Variants in CHST11 observed in about 807,000 individuals in gnomAD.
CHST11 encodes the protein C4S-1.
Under a neutral mutation model 30.4 loss-of-function variants are expected in CHST11, and 9 were observed. The ratio of observed to expected loss-of-function variants is 0.30; its 90% CI spans 0.18 to 0.52. The LOEUF (loss-of-function observed/expected upper bound fraction) is 0.52. Ranked by LOEUF, CHST11 falls within the 20% of genes least tolerant of loss-of-function variation. The pLI is 0.97. For missense variants in CHST11, 348 were observed against 460.6 expected (o/e 0.76, Z 2.24); for synonymous variants, 152 against 187.8 (o/e 0.81, Z 1.56).
chr12:104,495,238 G>A (rs756787564), intron 1 of CHST11, among the ~76,000 whole-genome samples: 2 of 152,200 alleles, frequency 1.3e-5, no homozygotes, highest in African/African-American at 2.4e-5. Flanking sequence ...CATCTGGGTT[G>A]TTCCTGTGTC....
At chr12:104,538,840 G>A (rs2038262328) in intron 1 of CHST11, among the ~76,000 whole-genome samples, 1 of 152,106 alleles carries the variant, frequency 6.6e-6, no homozygotes, top group South Asian at 2.1e-4. Flanking sequence ...GAGTAATTGA[G>A]GCCTAGAAGT....
At chr12:104,670,604 C>G (rs1163592732) in intron 2 of CHST11, among the ~76,000 whole-genome samples, 1 of 150,328 alleles carries the variant, frequency 6.7e-6, no homozygotes, top group Non-Finnish European at 1.5e-5. Context: ...CACTCCCACA[C>G]AAACACATCC....
intron 2 of CHST11, among the ~76,000 whole-genome samples, chr12:104,692,874 C>G (rs1195701175): frequency 2.3e-5 from 3 of 132,732 alleles, no homozygotes; most frequent in Non-Finnish European, 3.2e-5. Context: ...CCACCCCCAT[C>G]CATTAAAAAA....
rs201640443 is a variant in CHST11, at chr12:104,544,721, AAG to A, written c.119-57183_119-57182del. Among the ~76,000 whole-genome samples the A allele has an allele frequency of 5.8e-5, 7 of 121,292 alleles. 1 individual carries two copies. Among genetic ancestry groups the A allele is most frequent in the Admixed American group, 8.9e-5 (1 of 11,236 alleles). 79.6% of individuals were successfully genotyped at this position (121,292 alleles called of 152,430 possible). A position where few individuals can be genotyped will look rare whatever the true frequency, so the allele number is the denominator to read the frequency against. On this transcript the variant is annotated intron_variant, in intron 1 of 2. Transcript: ENST00000303694. ...GACTTGGTCTAAAAAAAAAAAAAAA[AAG>A]AAATCAGAAATTTGAGCAGTCAATG...
At chr12:104,561,115 T>G (rs6419389) in intron 1 of CHST11, among the ~76,000 whole-genome samples, 56,278 of 151,754 alleles carry the variant, frequency 0.37, 11,192 homozygotes, top group East Asian at 0.79. Context: ...TATTTGTGAG[T>G]GTCAGATGAA....
At chr12:104,655,996 G>A (rs750877134) in intron 2 of CHST11, among the ~76,000 whole-genome samples, 2 of 152,190 alleles carry the variant, frequency 1.3e-5, no homozygotes, top group Non-Finnish European at 2.9e-5. Context: ...AGTGCCATCC[G>A]TCATGTCTAG....
Position 104,729,600 on chromosome 12 carries a change from A to C in CHST11, c.205-27349A>C, listed in dbSNP as rs373041318. Among the ~76,000 whole-genome samples the C allele has an allele frequency of 1.3e-5, 2 of 152,176 alleles. No homozygotes were observed. The highest frequency in any genetic ancestry group is 4.8e-5 in the African/African-American group (2 of 41,444). ...GCAGGAACATGGAAGGATGGCTGTC[A>C]TAGGTGCCATGAGTGACAGAAGCAG... On this transcript the variant is annotated intron_variant, in intron 2 of 2. Transcript: ENST00000303694. This position sits in a 1 kb window ranked among gnomAD's most constrained non-coding sequence, Gnocchi z 4.0.
intron 1 of CHST11, among the ~76,000 whole-genome samples, chr12:104,556,372 G>A (rs1340529728): frequency 6.6e-6 from 1 of 152,116 alleles, no homozygotes; most frequent in African/African-American, 2.4e-5. Flanking sequence ...GTTTGGCAGG[G>A]TGGGTATATT....
chr12:104,508,285 G>A (rs897083415), intron 1 of CHST11, among the ~76,000 whole-genome samples: 2 of 152,182 alleles, frequency 1.3e-5, no homozygotes, highest in African/African-American at 4.8e-5. Flanking sequence ...TTTATTTAAA[G>A]CTTCATGACC....
intron 2 of CHST11, among the ~76,000 whole-genome samples, chr12:104,744,407 G>GA (rs1199368538): frequency 6.6e-6 from 1 of 152,058 alleles, no homozygotes; most frequent in Non-Finnish European, 1.5e-5. Flanking sequence ...GTCTTCTTTT[G>GA]AAAACTGTCT....
In CHST11 at chr12:104,543,576, C is replaced by G. The variant is rs368563831; in HGVS notation, c.119-58330C>G. ...CCTTCCCATCCTTCTCGTCCCTGGA[C>G]TCGGCTCAGAGTCTTACAGGAGTCC... is the stretch of plus-strand genomic sequence containing the variant. On this transcript the variant is annotated intron_variant, in intron 1 of 2. Transcript: ENST00000303694. 4.8e-4 allele frequency among the ~76,000 whole-genome samples: 73 copies of G among 152,280 alleles called. No individual in the cohort carries two copies. The South Asian group carries it at 9.3e-3, about 19-fold the overall frequency.
In CHST11 at chr12:104,674,022, A is replaced by C. The variant is rs559526523; in HGVS notation, c.204+72031A>C. ...TCCCGGCCTCTGTTGAATGGCCTGC[A>C]CTTAGTTTTAGTCGATTTCCTCCCC... On this transcript the variant is annotated intron_variant, in intron 2 of 2. Transcript: ENST00000303694. Among the ~76,000 whole-genome samples the C allele has an allele frequency of 7.1e-4, 108 of 152,264 alleles. 1 individual carries two copies. The highest frequency in any genetic ancestry group is 5.4e-3 in the Admixed American group (83 of 15,288).
chr12:104,587,139 T>G (rs1291842930), intron 1 of CHST11, among the ~76,000 whole-genome samples: 2 of 152,348 alleles, frequency 1.3e-5, no homozygotes, highest in Non-Finnish European at 2.9e-5. Flanking sequence ...TTCATGTCAC[T>G]GTGATGACAG....
chr12:104,704,092 G>A (rs371613931), intron 2 of CHST11, among the ~76,000 whole-genome samples: 13 of 152,320 alleles, frequency 8.5e-5, no homozygotes, highest in African/African-American at 3.1e-4. Flanking sequence ...TCGAACGGAA[G>A]GTGTAGAGAC....
intron 1 of CHST11, among the ~76,000 whole-genome samples, chr12:104,560,067 A>G (rs897745677): frequency 2.0e-5 from 3 of 152,056 alleles, no homozygotes; most frequent in African/African-American, 7.2e-5. Context: ...TGGCAGAGGG[A>G]ATACCAAGGA....
intron 1 of CHST11, among the ~76,000 whole-genome samples, chr12:104,599,847 G>A (rs1008747269): frequency 6.6e-6 from 1 of 152,168 alleles, no homozygotes; most frequent in Non-Finnish European, 1.5e-5. Flanking sequence ...TTGTTCATTG[G>A]TGGAAAAAAC....
At chr12:104,583,337 C>G (rs2038766870) in intron 1 of CHST11, among the ~76,000 whole-genome samples, 1 of 152,118 alleles carries the variant, frequency 6.6e-6, no homozygotes, top group African/African-American at 2.4e-5. Context: ...GATCCCATTC[C>G]ATATCTTTGG....
intron 2 of CHST11, among the ~76,000 whole-genome samples, chr12:104,636,809 C>T (rs1297214851): frequency 6.6e-6 from 1 of 151,264 alleles, no homozygotes; most frequent in African/African-American, 2.4e-5. Context: ...TAATAGGAGG[C>T]TCACAAAAAA....
chr12:104,649,837 C>G (rs942667971), intron 2 of CHST11, among the ~76,000 whole-genome samples: 9 of 152,184 alleles, frequency 5.9e-5, no homozygotes, highest in Non-Finnish European at 1.2e-4. Context: ...GCATGGTGAG[C>G]TCACATAATA....
Sources: allele counts gnomAD v4.1 joint callset (sites outside exome capture counted in the v4.1 genomes callset), GRCh38; gene constraint gnomAD v4.1.1; non-coding constraint Gnocchi (gnomAD v3.1); transcripts MANE v1.5; gene names NCBI Gene and HGNC (gene_info 2026-07-23, HGNC 2026-07-21).